SGCD: variants seen among roughly 807,000 people sequenced by gnomAD.
SGCD encodes the protein delta-sarcoglycan.
In SGCD, 18 loss-of-function variants were observed where a neutral mutation model predicts 36.6. That is an observed-to-expected ratio of 0.49 (90% CI 0.34 to 0.73). The LOEUF (loss-of-function observed/expected upper bound fraction) is 0.73, where lower values mean the gene tolerates loss of function less well. Among genes scored for constraint, SGCD ranks in the 30% least tolerant of loss-of-function variants. The pLI, the probability that SGCD is intolerant of heterozygous loss-of-function variation, is 0.01. For missense variants in SGCD, 387 were observed against 346.7 expected (o/e 1.12, Z -0.92); for synonymous variants, 133 against 130.6 (o/e 1.02, Z -0.12).
chr5:156,183,905 A>T (rs1358927229), intron 3 of SGCD, among the ~76,000 whole-genome samples: 1 of 152,190 alleles, frequency 6.6e-6, no homozygotes, highest in Admixed American at 6.5e-5. Context: ...TAATATAATC[A>T]TGTTAATTGG....
At chr5:155,836,480 C>T in the SGCD span, among the ~76,000 whole-genome samples, 14 of 147,486 alleles carry the variant, frequency 9.5e-5, no homozygotes, top group Middle Eastern at 3.4e-3. Flanking sequence ...ACCCCCGCCC[C>T]GCACTCAATC....
At chr5:156,181,120 C>A (rs917855820) in intron 3 of SGCD, among the ~76,000 whole-genome samples, 13 of 152,098 alleles carry the variant, frequency 8.5e-5, no homozygotes, top group African/African-American at 3.1e-4. Flanking sequence ...CAGAGAGAAA[C>A]CTTGGTTCTG....
chr5:156,232,244 C>T (rs910326216), intron 3 of SGCD, among the ~76,000 whole-genome samples: 7 of 152,170 alleles, frequency 4.6e-5, no homozygotes, highest in Non-Finnish European at 1.0e-4. Context: ...TTTTAAAAAT[C>T]CATAGTGACA....
At chr5:156,366,154 G>T (rs1008883061) in intron 3 of SGCD, among the ~76,000 whole-genome samples, 1 of 152,192 alleles carries the variant, frequency 6.6e-6, no homozygotes, top group Non-Finnish European at 1.5e-5. Context: ...GCAGCATCGC[G>T]CTGGGATAAG....
intron 3 of SGCD, among the ~76,000 whole-genome samples, chr5:156,128,768 G>GT (rs1762241341): frequency 6.6e-6 from 1 of 152,142 alleles, no homozygotes. Context: ...TGCCATGATT[G>GT]TAAGTTTCCA....
chr5:156,194,186 G>T (rs1763964910), intron 3 of SGCD, among the ~76,000 whole-genome samples: 1 of 152,030 alleles, frequency 6.6e-6, no homozygotes, highest in African/African-American at 2.4e-5. Context: ...GGCCAGCCTG[G>T]GCAACATGGC....
At chr5:156,740,581 T>C (rs963486865) in intron 7 of SGCD, among the ~76,000 whole-genome samples, 4 of 152,224 alleles carry the variant, frequency 2.6e-5, no homozygotes, top group African/African-American at 9.6e-5. Flanking sequence ...CTTTATTTTA[T>C]CAAGTATGTT....
chr5:156,273,448 G>A (rs541680481), intron 3 of SGCD, among the ~76,000 whole-genome samples: 3 of 152,284 alleles, frequency 2.0e-5, no homozygotes, highest in African/African-American at 7.2e-5. Flanking sequence ...CCCATTGTCA[G>A]TTTGCTGCCA....
chr5:156,496,743 C>A (rs1029770389), intron 3 of SGCD, among the ~76,000 whole-genome samples: 5 of 152,098 alleles, frequency 3.3e-5, no homozygotes, highest in African/African-American at 1.2e-4. Flanking sequence ...CTAGCCAAAC[C>A]AATCATATGT....
chr5:155,735,541 G>C, the SGCD span, among the ~76,000 whole-genome samples: 4 of 152,180 alleles, frequency 2.6e-5, no homozygotes, highest in East Asian at 7.7e-4. Context: ...TAGTGCCACA[G>C]CCAGTGTGAA....
intron 4 of SGCD, among the ~76,000 whole-genome samples, chr5:156,540,175 T>C (rs1037727614): frequency 6.6e-6 from 1 of 152,162 alleles, no homozygotes; most frequent in African/African-American, 2.4e-5. Flanking sequence ...TTGAGCATGA[T>C]GTTGTATTGT....
intron 1 of SGCD, among the ~76,000 whole-genome samples, chr5:156,075,954 CCTAAA>C (rs1760772539): frequency 6.6e-6 from 1 of 152,128 alleles, no homozygotes; most frequent in South Asian, 2.1e-4. Flanking sequence ...CAGATGGAAT[CCTAAA>C]CTAATCTTTT....
At chr5:156,548,215 C>G (rs890232179) in intron 4 of SGCD, among the ~76,000 whole-genome samples, 4 of 152,194 alleles carry the variant, frequency 2.6e-5, no homozygotes, top group African/African-American at 7.2e-5. Context: ...ACCCCAATAC[C>G]TGACAATTTC....
At chr5:155,819,912 A>G in the SGCD span, among the ~76,000 whole-genome samples, 1 of 152,282 alleles carries the variant, frequency 6.6e-6, no homozygotes, top group South Asian at 2.1e-4. Context: ...ACTAATCAAA[A>G]CAATATTAGC....
At chr5:155,989,355 T>G (rs1388999898) in intron 1 of SGCD, among the ~76,000 whole-genome samples, 1 of 152,208 alleles carries the variant, frequency 6.6e-6, no homozygotes, top group Non-Finnish European at 1.5e-5. Context: ...TATGACATAT[T>G]CTTACGTTTT....
At chr5:156,393,938 T>C in intron 3 of SGCD, 1 of 398,082 alleles carries the variant, frequency 2.5e-6, no homozygotes, top group Admixed American at 2.8e-5. Flanking sequence ...GGGTAAGACC[T>C]GATTCTTTCC....
the SGCD span, among the ~76,000 whole-genome samples, chr5:155,837,795 G>T: frequency 6.6e-6 from 1 of 152,316 alleles, no homozygotes; most frequent in Admixed American, 6.5e-5. Context: ...TACCTGAATA[G>T]TCATTCCAAG....
At chr5:156,176,815 G>A (rs1456715532) in intron 3 of SGCD, among the ~76,000 whole-genome samples, 1 of 151,948 alleles carries the variant, frequency 6.6e-6, no homozygotes, top group Non-Finnish European at 1.5e-5. Context: ...CTCTTCCAAT[G>A]TCTACTCCAT....
intron 1 of SGCD, among the ~76,000 whole-genome samples, chr5:156,005,229 A>G (rs1419214544): frequency 6.6e-6 from 1 of 152,152 alleles, no homozygotes. Context: ...CTCTCTTGGC[A>G]GCTACGTTCA....
Sources: allele counts gnomAD v4.1 joint callset (sites outside exome capture counted in the v4.1 genomes callset), GRCh38; gene constraint gnomAD v4.1.1; transcripts MANE v1.5; gene names NCBI Gene and HGNC (gene_info 2026-07-23, HGNC 2026-07-21).